Variants in MSANTD7 observed in about 807,000 individuals in gnomAD.
MSANTD7 encodes zinc finger and SCAN domain containing 29.
the MSANTD7 span, chr10:14,844,479 T>G: frequency 1.0e-6 from 1 of 984,216 alleles, no homozygotes; most frequent in Admixed American, 5.8e-5. Flanking sequence ...CCTGTGTGGC[T>G]CATTAGACGA....
At chr10:14,839,103 C>T in the MSANTD7 span, among the ~76,000 whole-genome samples, 14 of 152,296 alleles carry the variant, frequency 9.2e-5, no homozygotes, top group South Asian at 2.3e-3. Flanking sequence ...GGTGCGTGGT[C>T]TACAGAGGTG....
chr10:14,844,625 A>G, the MSANTD7 span: 1 of 985,016 alleles, frequency 1.0e-6, no homozygotes, highest in African/African-American at 1.7e-5. Flanking sequence ...TCTCCTATCA[A>G]TATAAGGAAA....
the MSANTD7 span, chr10:14,840,241 C>G: frequency 1.5e-6 from 1 of 649,698 alleles, no homozygotes; most frequent in Non-Finnish European, 2.3e-6. Flanking sequence ...AAATTAGAAA[C>G]AGCATAGTTT....
chr10:14,838,947 A>C, the MSANTD7 span, among the ~76,000 whole-genome samples: 6 of 152,050 alleles, frequency 3.9e-5, no homozygotes, highest in African/African-American at 1.4e-4. Flanking sequence ...GCCGCGAGGT[A>C]CTTGGAGGCG....
the MSANTD7 span, chr10:14,839,799 GAT>G: frequency 1.5e-6 from 1 of 649,632 alleles, no homozygotes; most frequent in Non-Finnish European, 2.6e-6. Context: ...AAAATATTGA[GAT>G]AGCAGTTTTT....
At chr10:14,838,657 C>T in the MSANTD7 span, 55 of 544,390 alleles carry the variant, frequency 1.0e-4, no homozygotes, top group South Asian at 1.2e-3. Context: ...GTCGTCTACT[C>T]CGCGGCGGAG....
At chr10:14,845,761 C>A in the MSANTD7 span, 1 of 172,390 alleles carries the variant, frequency 5.8e-6, no homozygotes, top group Non-Finnish European at 1.2e-5. Flanking sequence ...GGGGTTTCAC[C>A]ATGTTGGCCA....
At chr10:14,845,176 C>A in the MSANTD7 span, 1 of 985,446 alleles carries the variant, frequency 1.0e-6, no homozygotes, top group Non-Finnish European at 1.2e-6. Flanking sequence ...TTCCGATTTA[C>A]TCTAGAAGGG....
chr10:14,843,696 G>C, the MSANTD7 span: 1 of 1,541,510 alleles, frequency 6.5e-7, no homozygotes, highest in East Asian at 2.4e-5. Flanking sequence ...AACTCTCAAA[G>C]CGGGAGGAAG....
the MSANTD7 span, chr10:14,844,280 A>G: frequency 9.2e-7 from 1 of 1,081,600 alleles, no homozygotes; most frequent in Non-Finnish European, 1.1e-6. Flanking sequence ...TAGATGTGAA[A>G]GGGTTTAAAA....
the MSANTD7 span, among the ~76,000 whole-genome samples, chr10:14,838,907 C>T: frequency 6.6e-6 from 1 of 152,096 alleles, no homozygotes; most frequent in Non-Finnish European, 1.5e-5. Context: ...CTCAGGATTC[C>T]CGCGGGTGGG....
the MSANTD7 span, chr10:14,844,095 G>T: frequency 7.1e-7 from 1 of 1,405,506 alleles, no homozygotes; most frequent in Non-Finnish European, 9.2e-7. Flanking sequence ...AATGCCAGGG[G>T]TGACCTAATA....
chr10:14,846,505 G>A, the MSANTD7 span: 9 of 985,176 alleles, frequency 9.1e-6, no homozygotes, highest in Middle Eastern at 1.5e-3. Flanking sequence ...GAGGGAAATT[G>A]GAATACAGGG....
the MSANTD7 span, chr10:14,846,522 T>A: frequency 4.3e-5 from 42 of 985,386 alleles, no homozygotes; most frequent in East Asian, 3.3e-3. Flanking sequence ...AGGGAGACAG[T>A]GTGCAAGAAA....
the MSANTD7 span, chr10:14,838,695 C>T: frequency 6.2e-6 from 3 of 485,394 alleles, no homozygotes; most frequent in Non-Finnish European, 1.1e-5. Flanking sequence ...CGCGCGGGGT[C>T]CCAGGGCGTC....
the MSANTD7 span, chr10:14,842,597 G>T: frequency 6.5e-7 from 1 of 1,536,166 alleles, no homozygotes; most frequent in Non-Finnish European, 8.7e-7. The surrounding 1 kb of genome is among the most constrained non-coding windows in gnomAD (Gnocchi z 5.2). Context: ...AAATCAGATA[G>T]TGACTGACCC....
chr10:14,842,962 GC>G, the MSANTD7 span: 3 of 813,116 alleles, frequency 3.7e-6, no homozygotes, highest in South Asian at 1.9e-5. The surrounding 1 kb of genome is among the most constrained non-coding windows in gnomAD (Gnocchi z 5.2). Context: ...GCCTCATTCT[GC>G]CCCACGCACC....
chr10:14,843,697 C>T, the MSANTD7 span: 3 of 1,541,240 alleles, frequency 1.9e-6, no homozygotes, highest in Admixed American at 5.9e-5. Flanking sequence ...ACTCTCAAAG[C>T]GGGAGGAAGA....
chr10:14,846,812 G>A, the MSANTD7 span: 1 of 985,384 alleles, frequency 1.0e-6, no homozygotes, highest in Non-Finnish European at 1.2e-6. Flanking sequence ...TGACCGTAAG[G>A]GATATTCAAG....
Sources: allele counts gnomAD v4.1 joint callset (sites outside exome capture counted in the v4.1 genomes callset), GRCh38; gene constraint gnomAD v4.1.1; non-coding constraint Gnocchi (gnomAD v3.1); transcripts MANE v1.5; gene names NCBI Gene and HGNC (gene_info 2026-07-23, HGNC 2026-07-21).